Variants in ZNF536 observed in about 807,000 individuals in gnomAD.
ZNF536 encodes the protein zinc finger protein 536.
A neutral mutation model predicts 84.5 loss-of-function variants in ZNF536; 13 were observed. The observed-to-expected ratio is 0.15, with a 90% CI of 0.10 to 0.24. The LOEUF is 0.24. Among genes scored for constraint, ZNF536 ranks in the 10% least tolerant of loss-of-function variants. ZNF536 has a pLI of 1.00. For synonymous variants in ZNF536, 811 were observed against 742.5 expected (o/e 1.09, Z -1.50); for missense variants, 1,536 against 1,747.5 (o/e 0.88, Z 2.16).
At chr19:30,241,167 A>T (rs2023913025) in intron 1 of ZNF536, among the ~76,000 whole-genome samples, 2 of 152,040 alleles carry the variant, frequency 1.3e-5, no homozygotes, top group African/African-American at 2.4e-5. Context: ...ATAATAAAAA[A>T]ATTAGCTGGG....
chr19:30,413,305 G>C (rs1354867650), intron 1 of ZNF536, among the ~76,000 whole-genome samples: 3 of 151,994 alleles, frequency 2.0e-5, no homozygotes, highest in African/African-American at 7.2e-5. Context: ...GGAATTGAAG[G>C]CTTTGTTCAT....
At chr19:30,329,012 A>G (rs2047124572) in intron 2 of ZNF536, among the ~76,000 whole-genome samples, 1 of 152,236 alleles carries the variant, frequency 6.6e-6, no homozygotes, top group South Asian at 2.1e-4. Flanking sequence ...CCCTCATGCA[A>G]GGGAGCTCTG....
chr19:30,632,521 G>C (rs551316975), intron 1 of ZNF536, among the ~76,000 whole-genome samples: 1 of 152,138 alleles, frequency 6.6e-6, no homozygotes, highest in Non-Finnish European at 1.5e-5. Context: ...CAGGAGAATC[G>C]CTTGAACCTG....
chr19:30,701,558 AAC>A (rs200409028), intron 1 of ZNF536, among the ~76,000 whole-genome samples: 1 of 148,246 alleles, frequency 6.7e-6, no homozygotes, highest in African/African-American at 2.5e-5. Context: ...CACACACACA[AAC>A]ACACACACAT....
rs1600098256 is a variant in ZNF536, at chr19:30,291,259, C to T, written c.-120+7118C>T. The stretch of plus-strand genomic sequence containing the variant: ...CTGGTTTTAGATCCTTGAGGAATTA[C>T]CACACTGTCTTCCACAATGGTTGAA... On this transcript the variant is annotated intron_variant, in intron 2 of 5. Transcript: ENST00000585628. Among the ~76,000 whole-genome samples, 3 of 152,324 alleles carry T rather than the reference C, an allele frequency of 2.0e-5. No homozygotes were observed. In the East Asian group the frequency reaches 5.8e-4, roughly 29 times the overall value.
chr19:30,253,105 C>T (rs1428096094), intron 1 of ZNF536, among the ~76,000 whole-genome samples: 1 of 152,164 alleles, frequency 6.6e-6, no homozygotes, highest in Non-Finnish European at 1.5e-5. Context: ...AAATCTTTAC[C>T]CCTTGGAAGC....
chr19:30,663,993 T>C (rs1046142198), intron 1 of ZNF536, among the ~76,000 whole-genome samples: 1 of 152,188 alleles, frequency 6.6e-6, no homozygotes, highest in African/African-American at 2.4e-5. Flanking sequence ...CAATTTTTTT[T>C]CTAGGCTTCT....
At chr19:30,333,849 T>C (rs771117326) in intron 2 of ZNF536, among the ~76,000 whole-genome samples, 1 of 152,226 alleles carries the variant, frequency 6.6e-6, no homozygotes. Flanking sequence ...TGATGACTGC[T>C]GTCCTCATTA....
chr19:30,527,919 G>A (rs2044656902), intron 2 of ZNF536, among the ~76,000 whole-genome samples: 1 of 152,092 alleles, frequency 6.6e-6, no homozygotes, highest in Non-Finnish European at 1.5e-5. Context: ...TTTTGTTGTT[G>A]TTGTGCCACT....
At chr19:30,383,681 TTCCTTCCTTTCTTTTCTTTCTC>T (rs2049126589) in intron 1 of ZNF536, among the ~76,000 whole-genome samples, 3 of 12,848 alleles carry the variant, frequency 2.3e-4, no homozygotes, top group African/African-American at 1.0e-3. Context: ...TCTTCCTTTC[TTCCTTCCTTTCTTTTCTTTCTC>T]TTTCTTTCTT....
At chr19:30,325,894 C>T (rs1219552302) in intron 2 of ZNF536, among the ~76,000 whole-genome samples, 8 of 152,180 alleles carry the variant, frequency 5.3e-5, no homozygotes, top group Non-Finnish European at 1.2e-4. Flanking sequence ...TGTCGCCTCT[C>T]CTCTAACTGT....
chr19:30,359,668 C>T (rs2048212153), intron 3 of ZNF536, among the ~76,000 whole-genome samples: 1 of 152,030 alleles, frequency 6.6e-6, no homozygotes, highest in African/African-American at 2.4e-5. Context: ...GGCCAAGTTC[C>T]ATCCTTGTGG....
intron 2 of ZNF536, among the ~76,000 whole-genome samples, chr19:30,286,578 G>T (rs1452220254): frequency 1.3e-5 from 2 of 150,126 alleles, no homozygotes; most frequent in African/African-American, 5.0e-5. Flanking sequence ...CAGAAAGACA[G>T]ACAGAGAGAG....
At chr19:30,472,702 A>C (rs1474109932) in intron 2 of ZNF536, among the ~76,000 whole-genome samples, 1 of 152,112 alleles carries the variant, frequency 6.6e-6, no homozygotes, top group African/African-American at 2.4e-5. Flanking sequence ...CTAATATGAA[A>C]TCATCACGAA....
At position 30,522,046 on chromosome 19, in the gene ZNF536, G is replaced by A. The variant is rs981360155; in HGVS notation, c.2171-12801G>A. 2.2e-4 allele frequency among the ~76,000 whole-genome samples: 34 copies of A among 151,574 alleles called. No individual in the cohort carries two copies. The Middle Eastern group carries it at 0.014, about 61-fold the overall frequency. Reference sequence around the variant, plus strand: ...CTGCCAGGGACACGAACACTGGACCGGGAGGGCCATTCGCAGGGCACCACC... The same window carrying A: ...CTGCCAGGGACACGAACACTGGACCAGGAGGGCCATTCGCAGGGCACCACC... On this transcript the variant is annotated intron_variant, in intron 2 of 4. Coordinates refer to ENST00000355537, the MANE Select transcript of ZNF536 (RefSeq NM_014717.3).
chr19:30,626,464 G>A (rs944016284), intron 1 of ZNF536, among the ~76,000 whole-genome samples: 2 of 151,982 alleles, frequency 1.3e-5, no homozygotes, highest in African/African-American at 2.4e-5. Flanking sequence ...CAAGCTGTTC[G>A]TTTGTGAGAA....
intron 1 of ZNF536, among the ~76,000 whole-genome samples, chr19:30,433,738 C>G (rs977220572): frequency 6.6e-6 from 1 of 152,176 alleles, no homozygotes. Context: ...CTCAGGTGAT[C>G]TGCCTGCCTT....
chr19:30,596,900 T>C (rs1168602678), intron 1 of ZNF536, among the ~76,000 whole-genome samples: 1 of 152,078 alleles, frequency 6.6e-6, no homozygotes, highest in Non-Finnish European at 1.5e-5. Context: ...GGCTCTCTTA[T>C]TACTGGACTA....
intron 1 of ZNF536, among the ~76,000 whole-genome samples, chr19:30,569,559 CTTTTTTTTTTTTTTTTTT>C (rs34995610): frequency 0.029 from 1,599 of 55,138 alleles, 50 homozygotes; most frequent in South Asian, 0.14. Context: ...GATAAACGTT[CTTTTTTTTTTTTTTTTTT>C]TTTTTTTTTT....
Sources: allele counts gnomAD v4.1 joint callset (sites outside exome capture counted in the v4.1 genomes callset), GRCh38; gene constraint gnomAD v4.1.1; transcripts MANE v1.5; gene names NCBI Gene and HGNC (gene_info 2026-07-23, HGNC 2026-07-21).